MGAT5B: variants seen among roughly 807,000 people sequenced by gnomAD.
The protein encoded by MGAT5B is N-acetylglucosaminyl-transferase Vb.
A neutral mutation model predicts 95.1 loss-of-function variants in MGAT5B; 54 were observed. The observed-to-expected ratio is 0.57, with a 90% CI of 0.46 to 0.71. The LOEUF is 0.71. Ranked by LOEUF, MGAT5B falls within the 30% of genes least tolerant of loss-of-function variation. The pLI is 0.00. For missense variants in MGAT5B, 935 were observed against 1,088.6 expected (o/e 0.86, Z 1.99); for synonymous variants, 464 against 451.0 (o/e 1.03, Z -0.36).
chr17:76,933,087 G>A (rs1054613955), intron 11 of MGAT5B, among the ~76,000 whole-genome samples: 1 of 152,196 alleles, frequency 6.6e-6, no homozygotes, highest in Non-Finnish European at 1.5e-5. Flanking sequence ...GGGCGTCTTC[G>A]GTGGATGGGG....
At chr17:76,902,847 C>T (rs1035313050) in intron 4 of MGAT5B, among the ~76,000 whole-genome samples, 177 bp downstream of exon 4, 2 of 152,058 alleles carry the variant, frequency 1.3e-5, no homozygotes, top group Non-Finnish European at 1.5e-5. Context: ...GGTTCACTCC[C>T]TCGACCCGGC....
In MGAT5B at chr17:76,930,916, G is replaced by A. The variant is rs1969459123; in HGVS notation, c.1292-1729G>A. Among the ~76,000 whole-genome samples, 1 of 152,170 alleles carries A rather than the reference G, an allele frequency of 6.6e-6. No homozygotes were observed. The highest frequency in any genetic ancestry group is 2.1e-4 in the South Asian group (1 of 4,828). ...TCATCCGAGACAAGGGAGGAGGGCA[G>A]TGCAGGCCGAGGGGACAGCAGCAGG... On this transcript the variant is annotated intron_variant, in intron 10 of 17. Coordinates refer to ENST00000569840, the MANE Select transcript of MGAT5B (RefSeq NM_001199172.2). This position sits in a 1 kb window ranked among gnomAD's most constrained non-coding sequence, Gnocchi z 4.1.
intron 2 of MGAT5B, 21 bp downstream of exon 2, chr17:76,872,984 G>A (rs953296031): frequency 1.2e-6 from 2 of 1,611,438 alleles, no homozygotes; most frequent in Admixed American, 3.3e-5. Flanking sequence ...GGGGCAAGGG[G>A]AGTGTGAGAT....
intron 8 of MGAT5B, among the ~76,000 whole-genome samples, chr17:76,910,820 G>C (rs1017428606): frequency 6.6e-6 from 1 of 152,238 alleles, no homozygotes; most frequent in African/African-American, 2.4e-5. Flanking sequence ...TTGGTCCCCT[G>C]TGGGGTGTAT....
intron 10 of MGAT5B, 42 bp downstream of exon 10, chr17:76,926,772 T>C (rs200764890): frequency 6.2e-7 from 1 of 1,603,636 alleles, no homozygotes; most frequent in Non-Finnish European, 8.5e-7. Flanking sequence ...GAGGTCCTCC[T>C]CATGGTTCTC....
At position 76,916,652 on chromosome 17, in the gene MGAT5B, TGAG is replaced by T. The variant is rs2145219333; in HGVS notation, c.1026-8310_1026-8308del. On this transcript the variant is annotated intron_variant, in intron 8 of 17. Coordinates refer to ENST00000569840, the MANE Select transcript of MGAT5B (RefSeq NM_001199172.2). The surrounding 1 kb of genome is among the most constrained non-coding windows in gnomAD (Gnocchi z 5.3). ...CTACAAGAAAAAACTCAGAAAGAAA[TGAG>T]GAGAAGGGCTGGCTTCTGGATGCTC... Among the ~76,000 whole-genome samples the T allele has an allele frequency of 6.6e-6, 1 of 151,938 alleles. No individual in the cohort carries two copies. Among genetic ancestry groups the T allele is most frequent in the Non-Finnish European group, 1.5e-5 (1 of 67,924 alleles).
Position 76,915,525 on chromosome 17 carries a change from G to A in MGAT5B, c.1025+9338G>A, listed in dbSNP as rs1020230289. On this transcript the variant is annotated intron_variant, in intron 8 of 17. Coordinates refer to ENST00000569840, the MANE Select transcript of MGAT5B (RefSeq NM_001199172.2). The surrounding 1 kb of genome is among the most constrained non-coding windows in gnomAD (Gnocchi z 8.7). The stretch of plus-strand genomic sequence containing the variant: ...ATATGCTATCCCTCGAAACAAACAG[G>A]ATTCGAACCAAATATGGCAAAATGT... Among the ~76,000 whole-genome samples the A allele has an allele frequency of 6.6e-6, 1 of 152,190 alleles. No individual in the cohort carries two copies. Among genetic ancestry groups the A allele is most frequent in the African/African-American group, 2.4e-5 (1 of 41,446 alleles).
chr17:76,883,289 C>A (rs1290066543), intron 3 of MGAT5B, among the ~76,000 whole-genome samples: 1 of 152,140 alleles, frequency 6.6e-6, no homozygotes, highest in East Asian at 1.9e-4. Flanking sequence ...CATGAGCCAC[C>A]CCGCCTTTTT....
At position 76,932,741 on chromosome 17, in the gene MGAT5B, C is replaced by T; in HGVS notation, c.1388C>T (p.Ala463Val). The change falls in exon 11 of 18, where the codon GCC becomes GTC. Residue 463 changes from alanine (A) to valine (V), a missense_variant. Transcript: ENST00000569840. ...AAAGGCGGCAAGGCCAGCAACATGG[C>T]CGTGGTGTACGGCAAGGAGGCGAGC... ...LIKGGKASNMAVVYGKEASIW... is the reference protein window; with the variant it reads ...LIKGGKASNMVVVYGKEASIW... 1 of 1,613,864 alleles carries T rather than the reference C, an allele frequency of 6.2e-7. No homozygotes were observed.
In MGAT5B at chr17:76,906,491, C is replaced by T. The variant is rs776171179; in HGVS notation, c.1025+304C>T. On this transcript the variant is annotated intron_variant, in intron 8 of 17. Coordinates refer to ENST00000569840, the MANE Select transcript of MGAT5B (RefSeq NM_001199172.2). This position sits in a 1 kb window ranked among gnomAD's most constrained non-coding sequence, Gnocchi z 4.6. ...CGTGTTGGCTTGTGGAATTGAGCCA[C>T]GTCTGCACGTGGGGTCCCCTCTGCC... Among the ~76,000 whole-genome samples the T allele has an allele frequency of 2.6e-5, 4 of 152,242 alleles. No homozygotes were observed. The highest frequency in any genetic ancestry group is 4.4e-5 in the Non-Finnish European group (3 of 68,044).
chr17:76,907,147 G>A (rs1370995596), intron 8 of MGAT5B, among the ~76,000 whole-genome samples: 1 of 151,898 alleles, frequency 6.6e-6, no homozygotes, highest in Non-Finnish European at 1.5e-5. Context: ...CGCCTCCCGG[G>A]TTCAAGCGAT....
chr17:76,932,560 C>T, intron 10 of MGAT5B, 85 bp from the exon 11 acceptor site: 4 of 1,567,202 alleles, frequency 2.6e-6, no homozygotes, highest in Non-Finnish European at 3.5e-6. Context: ...CAAAAGAGGA[C>T]CTCTTGGGCG....
At position 76,902,643 on chromosome 17, in the gene MGAT5B, C is replaced by A; in HGVS notation, c.418C>A (p.Arg140Ser). The change falls in exon 4 of 18, where the codon CGC (arginine) becomes AGC (serine). Residue 140 changes from arginine (R) to serine (S), a missense_variant. Transcript: ENST00000569840. Reference protein sequence around the residue: ...DIAVKVDQILRHSLLLHSKVS... With the variant: ...DIAVKVDQILSHSLLLHSKVS... ...CGCTGTGAAGGTGGACCAGATCCTG[C>A]GCCACAGTCTGCTCCTGCACAGCAA... 1 of 1,597,464 alleles carries A rather than the reference C, an allele frequency of 6.3e-7. No individual in the cohort carries two copies. Among genetic ancestry groups the A allele is most frequent in the South Asian group, 1.1e-5 (1 of 88,156 alleles).
chr17:76,887,510 C>CCTCCCTCCCTTCCTCT (rs1967695355), intron 3 of MGAT5B, among the ~76,000 whole-genome samples: 6 of 63,524 alleles, frequency 9.4e-5, no homozygotes, highest in East Asian at 8.0e-4. Context: ...TCTCTCCCTC[C>CCTCCCTCCCTTCCTCT]CTCCCTCCCT....
intron 3 of MGAT5B, among the ~76,000 whole-genome samples, chr17:76,896,474 T>G (rs936473918): frequency 6.6e-6 from 1 of 152,212 alleles, no homozygotes; most frequent in Non-Finnish European, 1.5e-5. Context: ...GTCGGGCGTA[T>G]GATGCTTCCT....
intron 15 of MGAT5B, among the ~76,000 whole-genome samples, chr17:76,944,969 A>G (rs965607219): frequency 9.9e-5 from 15 of 152,234 alleles, no homozygotes; most frequent in Non-Finnish European, 1.5e-5. Flanking sequence ...GGGCTGGGCC[A>G]GGTCAGGTGC....
At position 76,903,235 on chromosome 17, in the gene MGAT5B, C is replaced by T. The variant is rs182026711; in HGVS notation, c.446-68C>T. 172 of 1,259,934 alleles carry T rather than the reference C, an allele frequency of 1.4e-4. No individual in the cohort carries two copies. In the East Asian group the frequency reaches 3.9e-3, roughly 29 times the overall value. The allele number at this position is 1,259,934 out of a possible 1,614,324, so 78.0% of individuals were successfully genotyped here. On this transcript the variant is annotated intron_variant, in intron 4 of 17. Transcript: ENST00000569840. ...GGATTGTGTGGGAAGCTGCCTCCCG[C>T]ACGCAGGCCTCCCTCCCTGGGCTCC...
intron 3 of MGAT5B, among the ~76,000 whole-genome samples, chr17:76,895,467 T>G (rs1968032972): frequency 6.6e-6 from 1 of 152,122 alleles, no homozygotes; most frequent in Non-Finnish European, 1.5e-5. Context: ...TGGGAACCAC[T>G]GGATTAAACA....
chr17:76,875,220 A>G (rs1045921269), intron 2 of MGAT5B, among the ~76,000 whole-genome samples: 2 of 152,114 alleles, frequency 1.3e-5, no homozygotes, highest in African/African-American at 2.4e-5. Flanking sequence ...ATCCCCACCC[A>G]AATCTCATCT....
Sources: allele counts gnomAD v4.1 joint callset (sites outside exome capture counted in the v4.1 genomes callset), GRCh38; gene constraint gnomAD v4.1.1; non-coding constraint Gnocchi (gnomAD v3.1); transcripts MANE v1.5; gene names NCBI Gene and HGNC (gene_info 2026-07-23, HGNC 2026-07-21).